RAB28: variants seen among roughly 807,000 people sequenced by gnomAD.
The protein encoded by RAB28 is ras-related protein Rab-28.
Under a neutral mutation model 31.7 loss-of-function variants are expected in RAB28, and 24 were observed. The ratio of observed to expected loss-of-function variants is 0.76; its 90% CI spans 0.55 to 1.06. RAB28 has a LOEUF of 1.06. Among genes scored for constraint, RAB28 ranks in the 50% least tolerant of loss-of-function variants. The pLI is 0.00. For synonymous variants in RAB28, 100 were observed against 90.4 expected, an observed-to-expected ratio of 1.11 and a Z score of -0.60; for missense variants, 254 against 258.5, an observed-to-expected ratio of 0.98 and a Z score of 0.12.
At chr4:13,435,848 G>C (rs1441841939) in intron 4 of RAB28, among the ~76,000 whole-genome samples, 1 of 152,024 alleles carries the variant, frequency 6.6e-6, no homozygotes, top group Non-Finnish European at 1.5e-5. Context: ...AGTCAAGGAG[G>C]GATATCTCCC....
chr4:13,407,417 G>C (rs1416466000), intron 4 of RAB28, among the ~76,000 whole-genome samples: 4 of 152,174 alleles, frequency 2.6e-5, no homozygotes, highest in African/African-American at 9.7e-5. Context: ...CAGCCCCGTA[G>C]TAGGATTTGA....
intron 6 of RAB28, among the ~76,000 whole-genome samples, chr4:13,375,069 TGCCCA>T (rs1728866281): frequency 6.6e-6 from 1 of 152,128 alleles, no homozygotes; most frequent in Non-Finnish European, 1.5e-5. Context: ...CACTCCAAAC[TGCCCA>T]GTACACTTTC....
intron 6 of RAB28, chr4:13,371,791 C>A: frequency 1.3e-6 from 2 of 1,546,268 alleles, no homozygotes; most frequent in Non-Finnish European, 1.8e-6. Context: ...TATAAAATAC[C>A]AACCTTTATT....
chr4:13,377,117 T>C (rs1474878012), intron 5 of RAB28, among the ~76,000 whole-genome samples: 1 of 152,162 alleles, frequency 6.6e-6, no homozygotes, highest in Non-Finnish European at 1.5e-5. Context: ...TTCTCCATGT[T>C]TCTTGAGTAA....
intron 4 of RAB28, among the ~76,000 whole-genome samples, chr4:13,391,097 C>G (rs921250156): frequency 1.3e-5 from 2 of 152,154 alleles, no homozygotes; most frequent in African/African-American, 4.8e-5. Flanking sequence ...GCAAAAGAAA[C>G]TACCATCAGA....
Position 13,475,043 on chromosome 4 carries a change from A to G in RAB28, c.173-637T>C, listed in dbSNP as rs147027160. Among the ~76,000 whole-genome samples, 811 of 151,816 alleles carry G rather than the reference A, an allele frequency of 5.3e-3. 4 individuals are homozygous for G. The highest frequency in any genetic ancestry group is 0.02 in the Middle Eastern group (6 of 294). ...CAAACGTAGGATACATACCATGTAT[A>G]TCACTAAATATTACAATGCTTTCAA... is the stretch of plus-strand genomic sequence containing the variant. On this transcript the variant is annotated intron_variant, in intron 2 of 6. Coordinates refer to ENST00000330852, the MANE Select transcript of RAB28 (RefSeq NM_001017979.3).
intron 4 of RAB28, among the ~76,000 whole-genome samples, chr4:13,397,504 T>A (rs1729919394): frequency 1.3e-5 from 2 of 152,150 alleles, no homozygotes; most frequent in South Asian, 2.1e-4. Flanking sequence ...CATTAAAATT[T>A]AAATTTAAAT....
chr4:13,386,321 C>A (rs1019759385), intron 4 of RAB28, among the ~76,000 whole-genome samples: 3 of 152,022 alleles, frequency 2.0e-5, no homozygotes, highest in East Asian at 1.9e-4. Context: ...AGTAAACAGA[C>A]AACCTACAGA....
At chr4:13,408,340 C>G (rs1712223036) in intron 4 of RAB28, among the ~76,000 whole-genome samples, 1 of 152,080 alleles carries the variant, frequency 6.6e-6, no homozygotes, top group Non-Finnish European at 1.5e-5. Context: ...GTTGAACCAC[C>G]CTTGCATCCC....
chr4:13,446,397 G>A (rs1165984246), intron 4 of RAB28, among the ~76,000 whole-genome samples: 1 of 152,186 alleles, frequency 6.6e-6, no homozygotes, highest in Non-Finnish European at 1.5e-5. Flanking sequence ...TCTCACTGGA[G>A]TTCCAGGTGC....
intron 4 of RAB28, among the ~76,000 whole-genome samples, chr4:13,423,557 T>C (rs1713299954): frequency 6.6e-6 from 1 of 152,026 alleles, no homozygotes; most frequent in Non-Finnish European, 1.5e-5. Flanking sequence ...CAAATGTCAG[T>C]GCCGATAAAT....
At chr4:13,434,542 T>A (rs1713986714) in intron 4 of RAB28, among the ~76,000 whole-genome samples, 1 of 152,082 alleles carries the variant, frequency 6.6e-6, no homozygotes, top group Non-Finnish European at 1.5e-5. Context: ...AACAAAGGAA[T>A]TAAATTAGAC....
rs1728581386 is a variant in RAB28, at chr4:13,368,197, A to C, written c.*361T>G. 1 of 992,666 alleles carries C rather than the reference A, an allele frequency of 1.0e-6. No homozygotes were observed. The highest frequency in any genetic ancestry group is 6.1e-5 in the Admixed American group (1 of 16,518). 61.5% of individuals were successfully genotyped at this position (992,666 alleles called of 1,614,324 possible). ...GATAAGAGAATGAAATTGCTGTGGCAAAATCCTGGCTGATGATCAAGACTT... is the reference window on the plus strand; with the variant it reads ...GATAAGAGAATGAAATTGCTGTGGCCAAATCCTGGCTGATGATCAAGACTT... On this transcript the variant is annotated 3_prime_UTR_variant, in exon 7 of 7. Transcript: ENST00000330852.
At chr4:13,375,267 A>T (rs184409793) in intron 6 of RAB28, among the ~76,000 whole-genome samples, 1 of 152,336 alleles carries the variant, frequency 6.6e-6, no homozygotes, top group East Asian at 1.9e-4. Flanking sequence ...TTATGAGGAT[A>T]ACTGAGATAA....
chr4:13,393,227 G>C (rs992237681), intron 4 of RAB28, among the ~76,000 whole-genome samples: 1 of 152,206 alleles, frequency 6.6e-6, no homozygotes, highest in Non-Finnish European at 1.5e-5. Flanking sequence ...ATGTCACAGA[G>C]AAAGTGATGC....
intron 4 of RAB28, among the ~76,000 whole-genome samples, chr4:13,413,470 C>G (rs542211256): frequency 1.3e-5 from 2 of 152,298 alleles, no homozygotes; most frequent in South Asian, 4.1e-4. Context: ...AAGATCCTAG[C>G]AGCCCTTCTT....
rs573021144 is a variant in RAB28 at position 13,458,431 on chromosome 4, T to C, written c.391+2268A>G. Among the ~76,000 whole-genome samples, 3 of 152,026 alleles carry C rather than the reference T, an allele frequency of 2.0e-5. 1 individual carries two copies. In the South Asian group the frequency reaches 6.2e-4, roughly 32 times the overall value. On this transcript the variant is annotated intron_variant, in intron 4 of 6. Transcript: ENST00000330852. ...ACAGAGAAAAAAAAATGTACTACAT[T>C]TTTAAAGACCTTTGGAAAAGATAAT...
chr4:13,387,061 T>G (rs545200350), intron 4 of RAB28, among the ~76,000 whole-genome samples: 3 of 151,770 alleles, frequency 2.0e-5, no homozygotes, highest in Non-Finnish European at 4.4e-5. Flanking sequence ...CATGGACACA[T>G]AGAGGGGAAC....
At chr4:13,468,420 T>C (rs1261206123) in intron 3 of RAB28, among the ~76,000 whole-genome samples, 1 of 151,756 alleles carries the variant, frequency 6.6e-6, no homozygotes, top group Non-Finnish European at 1.5e-5. Context: ...TCAGTAACAG[T>C]AAAATAGCTT....
Sources: gnomAD v4.1 joint callset for allele counts (sites outside exome capture counted in the v4.1 genomes callset) on GRCh38, gnomAD v4.1.1 for gene constraint, MANE v1.5 for transcripts, NCBI Gene and HGNC (gene_info 2026-07-23, HGNC 2026-07-21) for gene names.